CCDC181: variants seen among roughly 807,000 people sequenced by gnomAD.
CCDC181 encodes the protein coiled-coil domain containing 181.
Under a neutral mutation model 58.7 loss-of-function variants are expected in CCDC181, and 35 were observed. The observed-to-expected ratio is 0.60, with a 90% CI of 0.46 to 0.79. The LOEUF is 0.79. Among genes scored for constraint, CCDC181 ranks in the 30% least tolerant of loss-of-function variants. The pLI is 0.00. For synonymous variants in CCDC181, 183 were observed against 197.5 expected (o/e 0.93, Z 0.62); for missense variants, 517 against 583.9 (o/e 0.89, Z 1.18).
intron 2 of CCDC181, among the ~76,000 whole-genome samples, chr1:169,455,054 T>C (rs969388032): frequency 6.6e-6 from 1 of 152,044 alleles, no homozygotes; most frequent in African/African-American, 2.4e-5. Flanking sequence ...AACATTCCGC[T>C]ATCACAAAAT....
At chr1:169,422,412 T>C in intron 2 of CCDC181, 99 bp from the exon 3 acceptor site, 2 of 849,040 alleles carry the variant, frequency 2.4e-6, no homozygotes, top group Non-Finnish European at 3.5e-6. Context: ...ATTTTATGAA[T>C]GGGAAAATTT....
intron 4 of CCDC181, among the ~76,000 whole-genome samples, chr1:169,412,378 CACAA>C (rs1174970076): frequency 6.6e-6 from 1 of 152,042 alleles, no homozygotes; most frequent in Admixed American, 6.6e-5. Context: ...TAAGAGATGA[CACAA>C]ACAAATGGAA....
chr1:169,416,276 C>G (rs551549018), intron 4 of CCDC181, among the ~76,000 whole-genome samples: 5 of 152,140 alleles, frequency 3.3e-5, no homozygotes, highest in Non-Finnish European at 4.4e-5. Context: ...ACGCACTACA[C>G]TGCTCTTCCT....
chr1:169,419,546 CAGAA>C, intron 3 of CCDC181, among the ~76,000 whole-genome samples: 1 of 152,072 alleles, frequency 6.6e-6, no homozygotes, highest in South Asian at 2.1e-4. Flanking sequence ...TTTGATTGAA[CAGAA>C]GGAAGGGAGG....
At chr1:169,402,836 G>A (rs1655427070) in intron 4 of CCDC181, among the ~76,000 whole-genome samples, 1 of 152,124 alleles carries the variant, frequency 6.6e-6, no homozygotes, top group Non-Finnish European at 1.5e-5. Flanking sequence ...TGGGCTAAAT[G>A]CTCCAATTAA....
intron 4 of CCDC181, among the ~76,000 whole-genome samples, chr1:169,406,217 A>G (rs1462630160): frequency 6.6e-6 from 1 of 152,252 alleles, no homozygotes; most frequent in African/African-American, 2.4e-5. Flanking sequence ...AAGTAGTTCA[A>G]CCACTGTGGA....
chr1:169,428,897 T>A (rs1470362319), upstream of CCDC181, among the ~76,000 whole-genome samples: 1 of 152,164 alleles, frequency 6.6e-6, no homozygotes, highest in Non-Finnish European at 1.5e-5. Flanking sequence ...TCAGGCAGTC[T>A]GCCCACCTGG....
At chr1:169,453,726 CTTT>C (rs35290206) in intron 2 of CCDC181, among the ~76,000 whole-genome samples, 22 of 134,894 alleles carry the variant, frequency 1.6e-4, no homozygotes, top group Non-Finnish European at 1.8e-4. Flanking sequence ...ACACATAATT[CTTT>C]TTTTTTTTTT....
chr1:169,408,775 G>A (rs527367045), intron 4 of CCDC181, among the ~76,000 whole-genome samples: 1 of 152,280 alleles, frequency 6.6e-6, no homozygotes, highest in African/African-American at 2.4e-5. Context: ...GCAAACTCCA[G>A]CAGAGTTGAA....
At chr1:169,417,246 C>T (rs1656254120) in intron 4 of CCDC181, among the ~76,000 whole-genome samples, 1 of 152,188 alleles carries the variant, frequency 6.6e-6, no homozygotes, top group Non-Finnish European at 1.5e-5. Flanking sequence ...GCCTCCACTT[C>T]AGATATCAAT....
intron 5 of CCDC181, 122 bp downstream of exon 5, chr1:169,397,115 T>C (rs936373555): frequency 1.1e-5 from 7 of 644,782 alleles, no homozygotes; most frequent in African/African-American, 1.9e-5. Flanking sequence ...TAAAATTGAA[T>C]AGGTACGTGC....
At chr1:169,428,499 A>C (rs1656807552), upstream of CCDC181, among the ~76,000 whole-genome samples, 1 of 152,096 alleles carries the variant, frequency 6.6e-6, no homozygotes, top group Non-Finnish European at 1.5e-5. Flanking sequence ...AATGGGTGAT[A>C]GCAGCTTTTT....
At chr1:169,435,083 T>TA in intron 2 of CCDC181, among the ~76,000 whole-genome samples, 1 of 152,160 alleles carries the variant, frequency 6.6e-6, no homozygotes, top group South Asian at 2.1e-4. Context: ...TAAAAATGGT[T>TA]AAGATAATAA....
At chr1:169,421,286 CTG>C (rs1656440434) in intron 3 of CCDC181, 75 bp downstream of exon 3, 1 of 1,125,196 alleles carries the variant, frequency 8.9e-7, no homozygotes, top group Non-Finnish European at 1.2e-6. Flanking sequence ...GTTTGAACAA[CTG>C]TTTTAATTCC....
At chr1:169,457,242 ATACAC>A (rs1657699240) in intron 2 of CCDC181, among the ~76,000 whole-genome samples, 1 of 152,068 alleles carries the variant, frequency 6.6e-6, no homozygotes, top group Admixed American at 6.6e-5. Context: ...CTGGCTTGGG[ATACAC>A]TCTGATTCCT....
chr1:169,401,503 T>G (rs185130928), intron 4 of CCDC181, among the ~76,000 whole-genome samples: 2 of 152,296 alleles, frequency 1.3e-5, no homozygotes, highest in Admixed American at 1.3e-4. Flanking sequence ...TATTTGCTGT[T>G]CTGCAGCCTC....
intron 2 of CCDC181, 27 bp downstream of exon 2, chr1:169,424,784 A>G: frequency 8.5e-7 from 1 of 1,176,818 alleles, no homozygotes; most frequent in Middle Eastern, 2.6e-4. Context: ...TAATATAATT[A>G]TTATGAATGC....
chr1:169,434,373 C>T (rs1657000025), intron 2 of CCDC181, among the ~76,000 whole-genome samples: 1 of 151,914 alleles, frequency 6.6e-6, no homozygotes, highest in East Asian at 1.9e-4. Context: ...AACAGTATGG[C>T]AATTCCTCAA....
At chr1:169,453,951 G>C (rs1657617964) in intron 2 of CCDC181, among the ~76,000 whole-genome samples, 1 of 151,952 alleles carries the variant, frequency 6.6e-6, no homozygotes, top group Non-Finnish European at 1.5e-5. Flanking sequence ...AGGGACACCA[G>C]ATACTGCCAT....
Sources: allele counts gnomAD v4.1 joint callset (sites outside exome capture counted in the v4.1 genomes callset), GRCh38; gene constraint gnomAD v4.1.1; transcripts MANE v1.5; gene names NCBI Gene and HGNC (gene_info 2026-07-23, HGNC 2026-07-21).